The following MYH15 variants were observed in gnomAD, a reference collection of about 807,000 sequenced individuals.
MYH15 encodes the protein myosin heavy chain 15.
A neutral mutation model predicts 240.5 loss-of-function variants in MYH15; 227 were observed. The ratio of observed to expected loss-of-function variants is 0.94; its 90% CI spans 0.85 to 1.05. The LOEUF (loss-of-function observed/expected upper bound fraction) is 1.05. Ranked by LOEUF, MYH15 falls within the 50% of genes least tolerant of loss-of-function variation. The pLI is 0.00. For synonymous variants in MYH15, 785 were observed against 796.7 expected, an observed-to-expected ratio of 0.99 and a Z score of 0.25; for missense variants, 2,217 against 2,247.5, an observed-to-expected ratio of 0.99 and a Z score of 0.27.
the MYH15 span, among the ~76,000 whole-genome samples, chr3:108,538,617 A>G: frequency 6.6e-6 from 1 of 152,214 alleles, no homozygotes; most frequent in Non-Finnish European, 1.5e-5. Flanking sequence ...AGTGACAGAG[A>G]GAAATGAAAG....
chr3:108,416,398 T>G (rs1200149811), intron 29 of MYH15, among the ~76,000 whole-genome samples: 6 of 152,184 alleles, frequency 3.9e-5, no homozygotes, highest in Non-Finnish European at 2.9e-5. Flanking sequence ...CTAGCAACAT[T>G]ATACACTCAT....
intron 11 of MYH15, among the ~76,000 whole-genome samples, chr3:108,478,423 G>A (rs2083238440): frequency 6.6e-6 from 1 of 152,286 alleles, no homozygotes; most frequent in African/African-American, 2.4e-5. Context: ...ATCAAAGGTA[G>A]AGCAGACATG....
chr3:108,392,964 A>T (rs957853959), intron 36 of MYH15, among the ~76,000 whole-genome samples: 1 of 152,186 alleles, frequency 6.6e-6, no homozygotes, highest in Non-Finnish European at 1.5e-5. Flanking sequence ...TTGATACAAA[A>T]GGGATGAGTG....
chr3:108,488,685 T>C (rs1416934605), intron 9 of MYH15, among the ~76,000 whole-genome samples: 1 of 152,206 alleles, frequency 6.6e-6, no homozygotes, highest in Non-Finnish European at 1.5e-5. Flanking sequence ...CCAGTCATCC[T>C]TCATGGACAC....
At chr3:108,453,657 A>G (rs1035607488) in intron 21 of MYH15, among the ~76,000 whole-genome samples, 2 of 152,188 alleles carry the variant, frequency 1.3e-5, no homozygotes, top group East Asian at 3.9e-4. Flanking sequence ...ACACTTCCCC[A>G]AAGAGTTGGC....
chr3:108,422,795 G>T (rs2082693540), intron 27 of MYH15, among the ~76,000 whole-genome samples: 1 of 152,166 alleles, frequency 6.6e-6, no homozygotes. Context: ...ATAGTTTTCA[G>T]TGTTAACCTA....
intron 27 of MYH15, among the ~76,000 whole-genome samples, chr3:108,421,466 A>T (rs1241977216): frequency 2.6e-5 from 4 of 152,220 alleles, no homozygotes; most frequent in African/African-American, 9.6e-5. Flanking sequence ...GGGTATTAGG[A>T]TCCTTTCTAG....
intron 14 of MYH15, among the ~76,000 whole-genome samples, chr3:108,465,378 C>T (rs752158246): frequency 9.2e-5 from 14 of 152,236 alleles, no homozygotes; most frequent in Middle Eastern, 3.4e-3. Flanking sequence ...GCTAGCTTGA[C>T]GGAACACATT....
intron 11 of MYH15, among the ~76,000 whole-genome samples, chr3:108,483,758 TA>T (rs1311415880): frequency 2.0e-5 from 3 of 152,206 alleles, no homozygotes; most frequent in African/African-American, 7.2e-5. Flanking sequence ...TATTTAGCCT[TA>T]AAAAGGAATG....
Position 108,410,949 on chromosome 3 carries a change from C to T in MYH15, c.4146-17G>A. 8.3e-6 allele frequency: 13 copies of T among 1,571,756 alleles called. No individual in the cohort carries two copies. The highest frequency in any genetic ancestry group is 1.1e-5 in the Non-Finnish European group (13 of 1,151,154). ...AGTTCCTTCCTGAGAAAGGAGGACA[C>T]CCAAAGAGTGAGTGAGGCAATAACT... On this transcript the variant is annotated splice_polypyrimidine_tract_variant and intron_variant, in intron 30 of 40. Transcript: ENST00000693548.
intron 14 of MYH15, among the ~76,000 whole-genome samples, chr3:108,466,657 A>AC (rs1356598327): frequency 2.6e-5 from 4 of 152,196 alleles, no homozygotes; most frequent in Non-Finnish European, 5.9e-5. Context: ...AATTATTCAA[A>AC]CAAGCCTGTT....
intron 23 of MYH15, 139 bp downstream of exon 23, chr3:108,440,879 C>T (rs1048133599): frequency 7.0e-6 from 7 of 995,484 alleles, no homozygotes; most frequent in Non-Finnish European, 1.1e-5. Flanking sequence ...TATTTTGTGC[C>T]AGTTCTGACT....
At chr3:108,537,628 C>T in the MYH15 span, among the ~76,000 whole-genome samples, 4 of 152,152 alleles carry the variant, frequency 2.6e-5, no homozygotes, top group Admixed American at 6.5e-5. Context: ...AGACACTGAA[C>T]CTGTTGGCAC....
At chr3:108,473,860 G>A (rs1422004550) in intron 12 of MYH15, among the ~76,000 whole-genome samples, 1 of 152,094 alleles carries the variant, frequency 6.6e-6, no homozygotes, top group Non-Finnish European at 1.5e-5. Context: ...AAATGCAAGT[G>A]GCATTTTCTG....
intron 38 of MYH15, among the ~76,000 whole-genome samples, chr3:108,386,012 T>G (rs1050653752): frequency 2.0e-5 from 3 of 152,218 alleles, no homozygotes; most frequent in Non-Finnish European, 4.4e-5. Flanking sequence ...AAGAACCTAG[T>G]TGGGGAACTG....
chr3:108,455,648 C>T, intron 20 of MYH15, 88 bp downstream of exon 20: 1 of 1,435,938 alleles, frequency 7.0e-7, no homozygotes, highest in Non-Finnish European at 9.8e-7. Context: ...TGAAGAATGC[C>T]TTATAATTGA....
chr3:108,425,876 C>G (rs2082721330), intron 27 of MYH15, among the ~76,000 whole-genome samples: 1 of 152,132 alleles, frequency 6.6e-6, no homozygotes, highest in African/African-American at 2.4e-5. Context: ...ACAGTAAAGG[C>G]AATTCTGCTG....
intron 1 of MYH15, among the ~76,000 whole-genome samples, chr3:108,524,715 C>T (rs1273393770): frequency 6.6e-6 from 1 of 151,968 alleles, no homozygotes; most frequent in Non-Finnish European, 1.5e-5. Context: ...TAGTTAGAAA[C>T]AGAAAAACCT....
At chr3:108,439,979 C>A in intron 23 of MYH15, 66 bp from the exon 24 acceptor site, 2 of 1,368,396 alleles carry the variant, frequency 1.5e-6, no homozygotes, top group South Asian at 3.5e-5. Flanking sequence ...CACTGAGGGT[C>A]ATTTCTCTTC....
Sources: gnomAD v4.1 joint callset for allele counts (sites outside exome capture counted in the v4.1 genomes callset) on GRCh38, gnomAD v4.1.1 for gene constraint, MANE v1.5 for transcripts, NCBI Gene and HGNC (gene_info 2026-07-23, HGNC 2026-07-21) for gene names.